C1orf21: variants seen among roughly 807,000 people sequenced by gnomAD.
The protein encoded by C1orf21 is uncharacterized protein C1orf21.
C1orf21 carries 3 observed loss-of-function variants against 18.7 expected under a neutral mutation model. That is an observed-to-expected ratio of 0.16 (90% CI 0.07 to 0.42). C1orf21 has a LOEUF of 0.42. Ranked by LOEUF, C1orf21 falls within the 10% of genes least tolerant of loss-of-function variation. The pLI is 0.99. For synonymous variants in C1orf21, 41 were observed against 46.4 expected, an observed-to-expected ratio of 0.88 and a Z score of 0.47; for missense variants, 104 against 143.6, an observed-to-expected ratio of 0.72 and a Z score of 1.41.
intron 3 of C1orf21, among the ~76,000 whole-genome samples, chr1:184,557,251 T>C (rs889023086): frequency 1.6e-4 from 25 of 152,162 alleles, no homozygotes; most frequent in Admixed American, 1.6e-3. Context: ...TGTGTTTTTT[T>C]CTTTTTTTTA....
rs185930532 is a variant in C1orf21 at position 184,437,600 on chromosome 1, A to G, written c.-124-39786A>G. On this transcript the variant is annotated intron_variant, in intron 1 of 5. Transcript: ENST00000235307. ...TGGGGTCCAGAAGGAATTTATGTGT[A>G]ATCTCCAGCTGTAACACCATTTAAT... Among the ~76,000 whole-genome samples, 506 of 152,032 alleles carry G rather than the reference A, an allele frequency of 3.3e-3. 2 individuals are homozygous for G. Among genetic ancestry groups the G allele is most frequent in the African/African-American group, 0.012 (489 of 41,446 alleles).
chr1:184,401,016 T>A (rs926006140), intron 1 of C1orf21, among the ~76,000 whole-genome samples: 1 of 152,162 alleles, frequency 6.6e-6, no homozygotes, highest in African/African-American at 2.4e-5. Flanking sequence ...AGAAAAACAT[T>A]GTACAGCCTT....
intron 3 of C1orf21, among the ~76,000 whole-genome samples, chr1:184,568,799 G>C (rs1320380542): frequency 1.3e-5 from 2 of 152,156 alleles, no homozygotes; most frequent in African/African-American, 4.8e-5. Context: ...CTCCATTCTT[G>C]TGCCTCAGCT....
intron 2 of C1orf21, among the ~76,000 whole-genome samples, chr1:184,478,823 TA>T (rs1412336492): frequency 4.6e-5 from 7 of 152,376 alleles, no homozygotes; most frequent in African/African-American, 1.7e-4. Flanking sequence ...CTTTCATTTA[TA>T]AAAACACTTC....
At chr1:184,438,816 A>G (rs1557972341) in intron 1 of C1orf21, among the ~76,000 whole-genome samples, 1 of 152,210 alleles carries the variant, frequency 6.6e-6, no homozygotes, top group Non-Finnish European at 1.5e-5. Flanking sequence ...CTTAAATGCA[A>G]CAAAGATCTC....
chr1:184,581,245 G>A (rs532895791), intron 3 of C1orf21, among the ~76,000 whole-genome samples: 2 of 152,190 alleles, frequency 1.3e-5, no homozygotes, highest in Admixed American at 6.5e-5. Flanking sequence ...TGACCAATAT[G>A]GTGAAACCCC....
intron 3 of C1orf21, among the ~76,000 whole-genome samples, chr1:184,519,787 A>G (rs1306103951): frequency 6.6e-6 from 1 of 152,186 alleles, no homozygotes; most frequent in Non-Finnish European, 1.5e-5. Flanking sequence ...AGCAACCATT[A>G]TGTTTCCAGG....
chr1:184,456,341 A>G (rs1318837219), intron 1 of C1orf21, among the ~76,000 whole-genome samples: 1 of 152,194 alleles, frequency 6.6e-6, no homozygotes, highest in African/African-American at 2.4e-5. Context: ...GAGTATATAT[A>G]CTGAAACCCG....
At chr1:184,393,291 A>G (rs1656001365) in intron 1 of C1orf21, among the ~76,000 whole-genome samples, 1 of 152,124 alleles carries the variant, frequency 6.6e-6, no homozygotes, top group Non-Finnish European at 1.5e-5. Context: ...CTTCCAGCCC[A>G]GTGACTCCCT....
chr1:184,521,219 C>G (rs557286535), intron 3 of C1orf21, among the ~76,000 whole-genome samples: 3 of 152,092 alleles, frequency 2.0e-5, no homozygotes, highest in Non-Finnish European at 2.9e-5. Context: ...CAAAATAGAT[C>G]TGAATTTCTT....
chr1:184,431,173 C>T (rs1340929076), intron 1 of C1orf21, among the ~76,000 whole-genome samples: 1 of 152,028 alleles, frequency 6.6e-6, no homozygotes, highest in Non-Finnish European at 1.5e-5. Flanking sequence ...CAATCCTAAG[C>T]AAAAAGAACA....
intron 3 of C1orf21, among the ~76,000 whole-genome samples, chr1:184,531,812 G>A (rs753573987): frequency 4.6e-5 from 7 of 152,088 alleles, no homozygotes; most frequent in Admixed American, 6.6e-5. Context: ...GGAATTAACA[G>A]TGCACTTCCT....
At chr1:184,618,000 C>T (rs1659856986) in intron 5 of C1orf21, among the ~76,000 whole-genome samples, 1 of 151,132 alleles carries the variant, frequency 6.6e-6, no homozygotes, top group Admixed American at 6.6e-5. Context: ...ATCTCTGCCT[C>T]CCAGGTTCAA....
chr1:184,532,383 A>G (rs909521444), intron 3 of C1orf21, among the ~76,000 whole-genome samples: 11 of 152,310 alleles, frequency 7.2e-5, no homozygotes, highest in African/African-American at 2.4e-4. Context: ...TGCTATTATT[A>G]GTAGTGTTAT....
chr1:184,506,981 A>G (rs1204114991), intron 2 of C1orf21, among the ~76,000 whole-genome samples: 1 of 150,610 alleles, frequency 6.6e-6, no homozygotes, highest in East Asian at 1.9e-4. Flanking sequence ...ATATACATAT[A>G]TATGAAATAA....
intron 1 of C1orf21, among the ~76,000 whole-genome samples, chr1:184,406,718 G>A (rs1354136826): frequency 6.6e-6 from 1 of 152,168 alleles, no homozygotes; most frequent in African/African-American, 2.4e-5. Flanking sequence ...AATTTATGGA[G>A]GCCATGGTCC....
intron 4 of C1orf21, among the ~76,000 whole-genome samples, chr1:184,596,483 G>A (rs900070367): frequency 2.6e-5 from 4 of 151,868 alleles, no homozygotes; most frequent in Non-Finnish European, 5.9e-5. Flanking sequence ...TCCTAAAAAT[G>A]CCGTTTTTTA....
At chr1:184,583,313 A>G (rs1175557622) in intron 3 of C1orf21, among the ~76,000 whole-genome samples, 4 of 152,248 alleles carry the variant, frequency 2.6e-5, no homozygotes, top group Non-Finnish European at 5.9e-5. Flanking sequence ...ACTGACAAGT[A>G]TATTCGATTC....
At chr1:184,449,381 A>G (rs560378620) in intron 1 of C1orf21, among the ~76,000 whole-genome samples, 93 of 152,156 alleles carry the variant, frequency 6.1e-4, no homozygotes, top group Non-Finnish European at 1.1e-3. Flanking sequence ...ACATGAACTC[A>G]TCATTTTTTA....
Sources: allele counts gnomAD v4.1 joint callset (sites outside exome capture counted in the v4.1 genomes callset), GRCh38; gene constraint gnomAD v4.1.1; transcripts MANE v1.5; gene names NCBI Gene and HGNC (gene_info 2026-07-23, HGNC 2026-07-21).